Variants in KRTAP10-5 observed in about 807,000 individuals in gnomAD.
KRTAP10-5 encodes the protein keratin associated protein 10-5, also known as keratin-associated protein 10-5.
For missense variants in KRTAP10-5, 370 were observed against 351.2 expected, an observed-to-expected ratio of 1.05 and a Z score of -0.43; for synonymous variants, 157 against 151.9, an observed-to-expected ratio of 1.03 and a Z score of -0.25.
rs1200845519 is a variant in KRTAP10-5 at position 44,579,575 on chromosome 21, G to T, written c.*188C>A. On this transcript the variant is annotated 3_prime_UTR_variant, in exon 1 of 1. Transcript: ENST00000400372. ...GGACAGGGGACCCAACAGGCAGGTG[G>T]GCCCCTGCTGGGAGGCAGGAGCTGG... The T allele has an allele frequency of 2.8e-6, 2 of 717,984 alleles. No individual in the cohort carries two copies. Among genetic ancestry groups the T allele is most frequent in the Admixed American group, 5.9e-5 (2 of 34,070 alleles). The allele number at this position is 717,984 out of a possible 1,614,324, so 44.5% of individuals were successfully genotyped here. A position where few individuals can be genotyped will look rare whatever the true frequency, so the allele number is the denominator to read the frequency against.
Position 44,579,614 on chromosome 21 carries a change from T to C in KRTAP10-5, c.*149A>G, listed in dbSNP as rs1304164654. 5 of 1,013,598 alleles carry C rather than the reference T, an allele frequency of 4.9e-6. No individual in the cohort carries two copies. In the African/African-American group the frequency reaches 8.3e-5, roughly 17 times the overall value. 62.8% of individuals were successfully genotyped at this position (1,013,598 alleles called of 1,614,324 possible). A position where few individuals can be genotyped will look rare whatever the true frequency, so the allele number is the denominator to read the frequency against. ...GGCAGGAGCTGGGGAGCTTCGAGGA[T>C]GGAGATTCCTGGGAGTATGGAGGGG... On this transcript the variant is annotated 3_prime_UTR_variant, in exon 1 of 1. Coordinates refer to ENST00000400372, the MANE Select transcript of KRTAP10-5 (RefSeq NM_198694.3).
rs781926044 is a variant in KRTAP10-5 at position 44,579,727 on chromosome 21, A to C, written c.*36T>G. On this transcript the variant is annotated 3_prime_UTR_variant, in exon 1 of 1. Coordinates refer to ENST00000400372, the MANE Select transcript of KRTAP10-5 (RefSeq NM_198694.3). Reference sequence around the variant, plus strand: ...GACCAGTTGGCCCTGGGGGATGTGCACATCAGCAACTGGACTCCTGGCCTG... The same window carrying C: ...GACCAGTTGGCCCTGGGGGATGTGCCCATCAGCAACTGGACTCCTGGCCTG... 1.9e-5 allele frequency: 31 copies of C among 1,590,268 alleles called. No homozygotes were observed. The highest frequency in any genetic ancestry group is 6.8e-5 in the Admixed American group (4 of 58,844).
Position 44,579,618 on chromosome 21 carries a change from G to C in KRTAP10-5, c.*145C>G. The C allele has an allele frequency of 9.5e-7, 1 of 1,055,476 alleles. No individual in the cohort carries two copies. The highest frequency in any genetic ancestry group is 2.7e-5 in the Admixed American group (1 of 37,632). The allele number at this position is 1,055,476 out of a possible 1,614,324, so 65.4% of individuals were successfully genotyped here. The stretch of plus-strand genomic sequence containing the variant: ...GGAGCTGGGGAGCTTCGAGGATGGA[G>C]ATTCCTGGGAGTATGGAGGGGGGGG... On this transcript the variant is annotated 3_prime_UTR_variant, in exon 1 of 1. Transcript: ENST00000400372.
rs781816685 is a variant in KRTAP10-5, at chr21:44,579,832, G to A, written c.747C>T (p.Ala249=). ...CGCAGGAGGCCGGGCGGCAGCAGCTGGCCTGGTAGGAGGAGGCAGGGGCAC... is the reference window on the plus strand; with the variant it reads ...CGCAGGAGGCCGGGCGGCAGCAGCTAGCCTGGTAGGAGGAGGCAGGGGCAC... ...SCCAPASSYQ[A]SCCRPASCVS... The change falls in exon 1 of 1, where the codon GCC becomes GCT. Residue 249 remains alanine, a synonymous_variant. Transcript: ENST00000400372. 143 of 1,610,196 alleles carry A rather than the reference G, an allele frequency of 8.9e-5. No individual in the cohort carries two copies. Among genetic ancestry groups the A allele is most frequent in the Admixed American group, 2.7e-4 (16 of 59,802 alleles).
In KRTAP10-5 at chr21:44,580,220, C is replaced by G. The variant is rs376855583; in HGVS notation, c.359G>C (p.Cys120Ser). 2.5e-6 allele frequency: 4 copies of G among 1,613,918 alleles called. No homozygotes were observed. In the African/African-American group the frequency reaches 5.3e-5, roughly 22 times the overall value. Residue 120 changes from cysteine to serine, a missense_variant, in exon 1 of 1, where the codon TGC becomes TCC. By Grantham distance (112) the Cys-to-Ser change is moderately radical. Coordinates refer to ENST00000400372, the MANE Select transcript of KRTAP10-5 (RefSeq NM_198694.3). ...CCQQSSCQPT[C>S]CASSSCQQSC... ...CTGCTGGCAGGAGGAAGAGGCACAG[C>G]AAGTTGGCTGGCAGCTAGACTGCTG...
Position 44,579,953 on chromosome 21 carries a change from C to T in KRTAP10-5, c.626G>A (p.Cys209Tyr). The T allele has an allele frequency of 6.2e-7, 1 of 1,614,110 alleles. No homozygotes were observed. Among genetic ancestry groups the T allele is most frequent in the Admixed American group, 1.7e-5 (1 of 60,026 alleles). The change falls in exon 1 of 1, where the codon TGC (cysteine) becomes TAC (tyrosine). Residue 209 changes from cysteine (C) to tyrosine (Y), a missense_variant. Physicochemically the swap from Cys to Tyr is radical, Grantham distance 194 (BLOSUM62 -2). Transcript: ENST00000400372. The part of the protein sequence containing the change: ...CCQQSSCQPA[C>Y]CTTSCCRPSS... The stretch of plus-strand genomic sequence containing the variant: ...GGGTCTGCAGCAGGAGGTGGTGCAG[C>T]AAGCCGGCTGACAGCTAGACTGCTG...
Position 44,580,394 on chromosome 21 carries a change from T to G in KRTAP10-5, c.185A>C (p.Gln62Pro), listed in dbSNP as rs1555924897. The G allele has an allele frequency of 6.2e-7, 1 of 1,613,054 alleles. No homozygotes were observed. The highest frequency in any genetic ancestry group is 1.3e-5 in the African/African-American group (1 of 74,870). The change falls in exon 1 of 1, where the codon CAA becomes CCA. Residue 62 changes from glutamine to proline, a missense_variant. Transcript: ENST00000400372. ...CGTGCAGGAGCTGGTGCAGCCTGAT[T>G]GGCAGGGGCTGGGCTCACAGGCCGC... ...CQAACEPSPC[Q>P]SGCTSSCTPS...
chr21:44,580,457 C>G lies in KRTAP10-5; in HGVS notation c.122G>C (p.Cys41Ser). The G allele has an allele frequency of 1.9e-6, 3 of 1,613,186 alleles. No individual in the cohort carries two copies. The highest frequency in any genetic ancestry group is 1.1e-5 in the South Asian group (1 of 91,026). Reference protein sequence around the residue: ...CGTAPCLTLVCTPVSCVSSPC... With the variant: ...CGTAPCLTLVSTPVSCVSSPC... ...GCTGGACACACAGCTCACTGGGGTG[C>G]AGACCAGGGTCAGGCAGGGGGCGGT... Residue 41 changes from cysteine (C) to serine (S), a missense_variant, in exon 1 of 1, where the codon TGC becomes TCC. Transcript: ENST00000400372.
Position 44,579,661 on chromosome 21 carries a change from G to A in KRTAP10-5, c.*102C>T, listed in dbSNP as rs1978741860. 2 of 1,463,000 alleles carry A rather than the reference G, an allele frequency of 1.4e-6. No homozygotes were observed. The highest frequency in any genetic ancestry group is 1.4e-5 in the African/African-American group (1 of 70,630). 90.6% of individuals were successfully genotyped at this position (1,463,000 alleles called of 1,614,324 possible). Reference sequence around the variant, plus strand: ...GGGGGGGGTCACCTCAGCACATGGGGGCCCCGTCCCAAGCGGGGGCAACCT... The same window carrying A: ...GGGGGGGGTCACCTCAGCACATGGGAGCCCCGTCCCAAGCGGGGGCAACCT... On this transcript the variant is annotated 3_prime_UTR_variant, in exon 1 of 1. Transcript: ENST00000400372.
At position 44,579,865 on chromosome 21, in the gene KRTAP10-5, G is replaced by C; in HGVS notation, c.714C>G (p.Ser238=). ...AGGAGGAGGCAGGGGCACAGCAGGA[G>C]GAGATGGGCAGGCAGCAGGCGGGCC... The part of the protein sequence containing the change: ...ICRPACCLPI[S]SCCAPASSYQ... The change falls in exon 1 of 1, where the codon TCC becomes TCG. Residue 238 remains serine, a synonymous_variant. Transcript: ENST00000400372. The C allele has an allele frequency of 6.3e-7, 1 of 1,598,388 alleles. No individual in the cohort carries two copies. The highest frequency in any genetic ancestry group is 8.6e-7 in the Non-Finnish European group (1 of 1,168,888).
chr21:44,579,763 T>A lies in KRTAP10-5; in HGVS notation c.816A>T (p.Ter272CysextTer11). The A allele has an allele frequency of 2.5e-6, 4 of 1,609,934 alleles. No homozygotes were observed. Among genetic ancestry groups the A allele is most frequent in the Non-Finnish European group, 3.4e-6 (4 of 1,177,952 alleles). The change falls in exon 1 of 1, where the codon TGA (stop) becomes TGT (cysteine). Residue 272 changes from the stop codon to cysteine (C), a stop_lost. Coordinates refer to ENST00000400372, the MANE Select transcript of KRTAP10-5 (RefSeq NM_198694.3). ...TGGACTCCTGGCCTGAGCAGAGGCCTCAGCAGGCCAGGGGGGAGCACGCGG... is the reference window on the plus strand; with the variant it reads ...TGGACTCCTGGCCTGAGCAGAGGCCACAGCAGGCCAGGGGGGAGCACGCGG... ...CRPACSPLAC[*>C]
rs1333823842 is a variant in KRTAP10-5 at position 44,580,072 on chromosome 21, C to T, written c.507G>A (p.Gln169=). ...QPTCCTSSPC[Q]QSCYVPVCCK... ...AACAGACAGGCACGTAGCAGGACTG[C>T]TGGCAGGGGGAGGAGGTGCAGCAAG... The change falls in exon 1 of 1, where the codon CAG becomes CAA. Residue 169 remains glutamine (Q), a synonymous_variant. Coordinates refer to ENST00000400372, the MANE Select transcript of KRTAP10-5 (RefSeq NM_198694.3). 7 of 1,613,394 alleles carry T rather than the reference C, an allele frequency of 4.3e-6. No homozygotes were observed. The Admixed American group carries it at 5.0e-5, about 12-fold the overall frequency.
In KRTAP10-5 at chr21:44,579,511, T is replaced by G; in HGVS notation, c.*252A>C. The G allele has an allele frequency of 1.7e-6, 1 of 576,192 alleles. No individual in the cohort carries two copies. Among genetic ancestry groups the G allele is most frequent in the East Asian group, 2.9e-5 (1 of 34,658 alleles). The allele number at this position is 576,192 out of a possible 1,614,324, so 35.7% of individuals were successfully genotyped here. A position where few individuals can be genotyped will look rare whatever the true frequency, so the allele number is the denominator to read the frequency against. ...AGGAGGAGGTGCTGACAGGTTCAAG[T>G]CGAGGCCAAGTGACATGGGGCAGAG... On this transcript the variant is annotated 3_prime_UTR_variant, in exon 1 of 1. Coordinates refer to ENST00000400372, the MANE Select transcript of KRTAP10-5 (RefSeq NM_198694.3).
chr21:44,579,939 A>T lies in KRTAP10-5; in HGVS notation c.640T>A (p.Cys214Ser), dbSNP rs782195951. The change falls in exon 1 of 1, where the codon TGC becomes AGC. Residue 214 changes from cysteine (C) to serine (S), a missense_variant. Coordinates refer to ENST00000400372, the MANE Select transcript of KRTAP10-5 (RefSeq NM_198694.3). ...GACACGGAGGAGGAGGGTCTGCAGC[A>T]GGAGGTGGTGCAGCAAGCCGGCTGA... Reference protein sequence around the residue: ...SCQPACCTTSCCRPSSSVSLL... With the variant: ...SCQPACCTTSSCRPSSSVSLL... The T allele has an allele frequency of 1.9e-6, 3 of 1,614,150 alleles. No homozygotes were observed. In the South Asian group the frequency reaches 3.3e-5, roughly 18 times the overall value.
Position 44,579,796 on chromosome 21 carries a change from G to A in KRTAP10-5, c.783C>T (p.Leu261=). The A allele has an allele frequency of 6.2e-7, 1 of 1,609,254 alleles. No homozygotes were observed. Among genetic ancestry groups the A allele is most frequent in the African/African-American group, 1.3e-5 (1 of 74,730 alleles). Residue 261 remains leucine, a synonymous_variant, in exon 1 of 1, where the codon CTC becomes CTT. Coordinates refer to ENST00000400372, the MANE Select transcript of KRTAP10-5 (RefSeq NM_198694.3). ...CCAGGGGGGAGCACGCGGGGCGGCAGAGGAGGGACACGCAGGAGGCCGGGC... is the reference window on the plus strand; with the variant it reads ...CCAGGGGGGAGCACGCGGGGCGGCAAAGGAGGGACACGCAGGAGGCCGGGC... ...CCRPASCVSL[L]CRPACSPLAC is the part of the protein sequence containing the mutation.
Position 44,580,369 on chromosome 21 carries a change from C to A in KRTAP10-5, c.210G>T (p.Thr70=). Residue 70 remains threonine, a synonymous_variant, in exon 1 of 1, where the codon ACG becomes ACT. Coordinates refer to ENST00000400372, the MANE Select transcript of KRTAP10-5 (RefSeq NM_198694.3). ...PCQSGCTSSC[T]PSCCQPACCA... is the part of the protein sequence containing the mutation. ...AGCAAGCCGGCTGGCAGCACGAGGG[C>A]GTGCAGGAGCTGGTGCAGCCTGATT... The A allele has an allele frequency of 6.2e-7, 1 of 1,613,580 alleles. No individual in the cohort carries two copies. The highest frequency in any genetic ancestry group is 8.5e-7 in the Non-Finnish European group (1 of 1,179,926).
In KRTAP10-5 at chr21:44,580,148, G is replaced by A. The variant is rs879989459; in HGVS notation, c.431C>T (p.Thr144Ile). The A allele has an allele frequency of 2.5e-6, 4 of 1,613,116 alleles. No homozygotes were observed. The African/African-American group carries it at 4.0e-5, about 16-fold the overall frequency. Residue 144 changes from threonine to isoleucine, a missense_variant, in exon 1 of 1, where the codon ACC becomes ATC. Thr to Ile is a moderately conservative substitution (Grantham distance 89). Coordinates refer to ENST00000400372, the MANE Select transcript of KRTAP10-5 (RefSeq NM_198694.3). ...GCATGAAGAGGAATCCTCAGAACAG[G>A]TGGGCACACAGCACACGGGCTTGCA... ...VCCKPVCCVP[T>I]CSEDSSSCCQ...
chr21:44,580,379 C>G lies in KRTAP10-5; in HGVS notation c.200G>C (p.Ser67Thr). ...EPSPCQSGCT[S>T]SCTPSCCQPA... The stretch of plus-strand genomic sequence containing the variant: ...CTGGCAGCACGAGGGCGTGCAGGAG[C>G]TGGTGCAGCCTGATTGGCAGGGGCT... The change falls in exon 1 of 1, where the codon AGC (serine) becomes ACC (threonine). Residue 67 changes from serine (S) to threonine (T), a missense_variant. By Grantham distance (58) the Ser-to-Thr change is moderately conservative. Coordinates refer to ENST00000400372, the MANE Select transcript of KRTAP10-5 (RefSeq NM_198694.3). 6.2e-7 allele frequency: 1 copy of G among 1,613,464 alleles called. No individual in the cohort carries two copies. The highest frequency in any genetic ancestry group is 8.5e-7 in the Non-Finnish European group (1 of 1,179,908).
Position 44,579,718 on chromosome 21 carries a change from G to A in KRTAP10-5, c.*45C>T, listed in dbSNP as rs1474564851. ...CCGAGTCAGGACCAGTTGGCCCTGG[G>A]GGATGTGCACATCAGCAACTGGACT... On this transcript the variant is annotated 3_prime_UTR_variant, in exon 1 of 1. Transcript: ENST00000400372. 2.5e-6 allele frequency: 4 copies of A among 1,583,516 alleles called. No individual in the cohort carries two copies. Among genetic ancestry groups the A allele is most frequent in the South Asian group, 1.2e-5 (1 of 85,456 alleles).
Sources: gnomAD v4.1 joint callset for allele counts on GRCh38, gnomAD v4.1.1 for gene constraint, MANE v1.5 for transcripts, NCBI Gene and HGNC (gene_info 2026-07-23, HGNC 2026-07-21) for gene names.